The following PCDH15 variants were observed in gnomAD, a reference collection of about 807,000 sequenced individuals.
PCDH15 encodes protocadherin-15.
Under a neutral mutation model 178.5 loss-of-function variants are expected in PCDH15, and 129 were observed. That is an observed-to-expected ratio of 0.72 (90% CI 0.63 to 0.84). PCDH15 has a LOEUF of 0.84. Ranked by LOEUF, PCDH15 falls within the 40% of genes least tolerant of loss-of-function variation. The probability of loss-of-function intolerance (pLI) is 0.00; values close to 1 mark genes in which losing one functional copy is unlikely to be tolerated. For synonymous variants in PCDH15, 800 were observed against 732.0 expected (o/e 1.09, Z -1.50); for missense variants, 2,230 against 2,099.9 (o/e 1.06, Z -1.21).
At chr10:54,756,056 A>AAAACACACACACACAC (rs1947048442) in intron 1 of PCDH15, among the ~76,000 whole-genome samples, 1 of 71,676 alleles carries the variant, frequency 1.4e-5, no homozygotes, top group African/African-American at 4.4e-5. Flanking sequence ...CTCTACTAAA[A>AAAACACACACACACAC]ACACACACAC....
intron 3 of PCDH15, among the ~76,000 whole-genome samples, chr10:54,841,070 C>G (rs760875766): frequency 2.0e-5 from 3 of 151,756 alleles, no homozygotes; most frequent in Non-Finnish European, 3.0e-5. Context: ...CCAAATTGAG[C>G]TAACACACAT....
chr10:54,205,999 AG>A (rs1177657431), intron 10 of PCDH15, among the ~76,000 whole-genome samples: 1 of 152,152 alleles, frequency 6.6e-6, no homozygotes, highest in Non-Finnish European at 1.5e-5. Flanking sequence ...GAATATAGGC[AG>A]CACATATTTT....
chr10:54,413,154 G>C (rs189257705), intron 3 of PCDH15, among the ~76,000 whole-genome samples: 1 of 143,558 alleles, frequency 7.0e-6, no homozygotes, highest in East Asian at 1.9e-4. Flanking sequence ...TAAATGAATG[G>C]TCTGTATACA....
Position 54,146,996 on chromosome 10 carries a change from T to A in PCDH15, c.1784+6104A>T, listed in dbSNP as rs2044034903. 6.3e-5 allele frequency among the ~76,000 whole-genome samples: 9 copies of A among 142,660 alleles called. No homozygotes were observed. The Admixed American group carries it at 6.4e-4, about 10-fold the overall frequency. 93.6% of individuals were successfully genotyped at this position (142,660 alleles called of 152,430 possible). A position where few individuals can be genotyped will look rare whatever the true frequency, so the allele number is the denominator to read the frequency against. On this transcript the variant is annotated intron_variant, in intron 14 of 37. Coordinates refer to ENST00000644397, the MANE Select transcript of PCDH15 (RefSeq NM_001384140.1). The stretch of plus-strand genomic sequence containing the variant: ...ATATAGTGTATATATATATAATGTA[T>A]ATATATAGTGTATATATAATGTGTA...
intron 2 of PCDH15, among the ~76,000 whole-genome samples, chr10:55,354,438 A>G (rs1486291334): frequency 2.0e-5 from 3 of 152,120 alleles, no homozygotes; most frequent in African/African-American, 7.2e-5. Flanking sequence ...AAATAACAAT[A>G]CAACAGGATA....
At chr10:54,099,513 A>AAAAAAAAAAAAAAAT (rs1347306483) in intron 15 of PCDH15, among the ~76,000 whole-genome samples, 4 of 117,926 alleles carry the variant, frequency 3.4e-5, no homozygotes, top group Admixed American at 8.9e-5. Context: ...AAAAAAAAAA[A>AAAAAAAAAAAAAAAT]ATATATATAT....
chr10:55,300,386 A>C (rs1156514403), intron 1 of PCDH15, among the ~76,000 whole-genome samples: 2 of 152,192 alleles, frequency 1.3e-5, no homozygotes, highest in African/African-American at 2.4e-5. Flanking sequence ...AGATGCACTC[A>C]TCAAAGAGAT....
intron 3 of PCDH15, among the ~76,000 whole-genome samples, chr10:54,512,359 T>TTTTGTGTGTGTGTG (rs374994766): frequency 6.0e-5 from 8 of 134,088 alleles, no homozygotes; most frequent in Non-Finnish European, 1.6e-5. Context: ...ATTTCTGGCA[T>TTTTGTGTGTGTGTG]TGTGTGTGTG....
intron 3 of PCDH15, among the ~76,000 whole-genome samples, chr10:54,885,549 A>G (rs574381564): frequency 2.7e-4 from 41 of 152,106 alleles, no homozygotes; most frequent in Non-Finnish European, 4.9e-4. Flanking sequence ...TAATAATTTC[A>G]AAAAGGTCAT....
intron 6 of PCDH15, among the ~76,000 whole-genome samples, chr10:54,341,308 G>T (rs139001867): frequency 5.8e-4 from 89 of 152,240 alleles, no homozygotes; most frequent in African/African-American, 2.1e-3. Flanking sequence ...CCCCCATGCT[G>T]TTCTCCCGAT....
At chr10:54,068,620 C>T (rs1419498265) in intron 17 of PCDH15, among the ~76,000 whole-genome samples, 1 of 151,938 alleles carries the variant, frequency 6.6e-6, no homozygotes, top group Non-Finnish European at 1.5e-5. Flanking sequence ...TATATGATTC[C>T]ATTTATATAA....
chr10:54,718,015 A>G (rs571879809), intron 1 of PCDH15, among the ~76,000 whole-genome samples: 12 of 149,000 alleles, frequency 8.1e-5, no homozygotes, highest in African/African-American at 2.8e-4. Flanking sequence ...ACAAGGACAA[A>G]AAACCAAACA....
intron 5 of PCDH15, among the ~76,000 whole-genome samples, chr10:54,367,772 A>G (rs1947028069): frequency 6.6e-6 from 1 of 151,730 alleles, no homozygotes; most frequent in Non-Finnish European, 1.5e-5. Context: ...AAACCTGCAC[A>G]TTCTGCACAT....
intron 3 of PCDH15, among the ~76,000 whole-genome samples, chr10:54,498,665 A>G (rs1286679258): frequency 2.0e-5 from 3 of 152,176 alleles, no homozygotes; most frequent in Non-Finnish European, 4.4e-5. Context: ...CAGTCTTTAA[A>G]CCTACAATTA....
chr10:53,806,624 C>T lies in PCDH15; in HGVS notation c.5178G>A (p.Trp1726Ter). ...DHTQSDDEEL[W>*]MGPWNNLHIP... Reference sequence around the variant, plus strand: ...TATGGAGGTTGTTCCAGGGGCCCATCCAAAGCTCTTCATCATCAGACTGTG... The same window carrying T: ...TATGGAGGTTGTTCCAGGGGCCCATTCAAAGCTCTTCATCATCAGACTGTG... The change falls in exon 38 of 38, where the codon TGG becomes TGA. Residue 1726 changes from tryptophan (W) to a stop codon, truncating the protein, a stop_gained. Coordinates refer to ENST00000644397, the MANE Select transcript of PCDH15 (RefSeq NM_001384140.1). LOFTEE classifies it high-confidence loss of function. 1 of 1,613,644 alleles carries T rather than the reference C, an allele frequency of 6.2e-7. No homozygotes were observed. Among genetic ancestry groups the T allele is most frequent in the Non-Finnish European group, 8.5e-7 (1 of 1,179,736 alleles).
At chr10:54,515,618 C>T (rs187277385) in intron 3 of PCDH15, among the ~76,000 whole-genome samples, 2 of 152,202 alleles carry the variant, frequency 1.3e-5, no homozygotes, top group African/African-American at 4.8e-5. Context: ...TGTCTGACAC[C>T]TTTGAAGAGA....
At chr10:53,809,526 T>C in intron 37 of PCDH15, 2 of 1,607,016 alleles carry the variant, frequency 1.2e-6, no homozygotes, top group Non-Finnish European at 1.7e-6. Flanking sequence ...CCTTTGGTTT[T>C]TTAATTTTCT....
intron 25 of PCDH15, among the ~76,000 whole-genome samples, chr10:53,908,207 G>GAGAAATA (rs1301870227): frequency 6.6e-6 from 1 of 152,150 alleles, no homozygotes; most frequent in Non-Finnish European, 1.5e-5. Context: ...CAGGAATGCT[G>GAGAAATA]AGAAATATTC....
chr10:55,262,787 A>G (rs1316843688), intron 1 of PCDH15, among the ~76,000 whole-genome samples: 1 of 152,162 alleles, frequency 6.6e-6, no homozygotes, highest in Non-Finnish European at 1.5e-5. Context: ...CCAAGACAAG[A>G]AATCCTGGGG....
Sources: allele counts gnomAD v4.1 joint callset (sites outside exome capture counted in the v4.1 genomes callset), GRCh38; gene constraint gnomAD v4.1.1; transcripts MANE v1.5; gene names NCBI Gene and HGNC (gene_info 2026-07-23, HGNC 2026-07-21).